Variants in YTHDF3 observed in about 807,000 individuals in gnomAD.
YTHDF3 encodes YTH domain-containing family protein 3.
In YTHDF3, 9 loss-of-function variants were observed where a neutral mutation model predicts 52.5. That is an observed-to-expected ratio of 0.17 (90% CI 0.10 to 0.30). The LOEUF (loss-of-function observed/expected upper bound fraction) is 0.30. Among genes scored for constraint, YTHDF3 ranks in the 10% least tolerant of loss-of-function variants. The pLI, the probability that YTHDF3 is intolerant of heterozygous loss-of-function variation, is 1.00. For missense variants in YTHDF3, 534 were observed against 715.0 expected, an observed-to-expected ratio of 0.75 and a Z score of 2.89; for synonymous variants, 274 against 243.3, an observed-to-expected ratio of 1.13 and a Z score of -1.18.
At chr8:63,183,145 G>A (rs978493450) in intron 3 of YTHDF3, among the ~76,000 whole-genome samples, 3 of 152,004 alleles carry the variant, frequency 2.0e-5, no homozygotes, top group Admixed American at 1.3e-4. Context: ...AATTTTGGTA[G>A]AGATGGGGTT....
chr8:63,197,086 C>G (rs1202580225), intron 4 of YTHDF3, among the ~76,000 whole-genome samples: 1 of 152,096 alleles, frequency 6.6e-6, no homozygotes, highest in Non-Finnish European at 1.5e-5. Context: ...TTGGGAACCA[C>G]TGACCTTGGA....
At chr8:63,187,899 T>C (rs779977499) in intron 4 of YTHDF3, among the ~76,000 whole-genome samples, 154 bp downstream of exon 4, 1 of 152,166 alleles carries the variant, frequency 6.6e-6, no homozygotes, top group Non-Finnish European at 1.5e-5. Context: ...GTGTGTCCTA[T>C]ATGAACCATT....
chr8:63,179,832 C>T (rs1164328976), intron 3 of YTHDF3, among the ~76,000 whole-genome samples: 9 of 151,798 alleles, frequency 5.9e-5, no homozygotes, highest in African/African-American at 2.2e-4. Flanking sequence ...GACGGGGCGG[C>T]TGGCCGGGTG....
At chr8:63,201,826 T>G (rs1809661633) in intron 4 of YTHDF3, among the ~76,000 whole-genome samples, 1 of 152,230 alleles carries the variant, frequency 6.6e-6, no homozygotes, top group African/African-American at 2.4e-5. Context: ...TAATAATTAT[T>G]TTTATTTTCT....
chr8:63,194,024 A>C (rs968179253), intron 4 of YTHDF3, among the ~76,000 whole-genome samples: 2 of 151,696 alleles, frequency 1.3e-5, no homozygotes, highest in Non-Finnish European at 2.9e-5. Context: ...AGCAATCAAT[A>C]GTTTTTTTTT....
In YTHDF3 at chr8:63,168,666, G is replaced by A; in HGVS notation, c.-212G>A. 1 of 854,904 alleles carries A rather than the reference G, an allele frequency of 1.2e-6. No homozygotes were observed. The highest frequency in any genetic ancestry group is 1.8e-6 in the Non-Finnish European group (1 of 553,874). 53.0% of individuals were successfully genotyped at this position (854,904 alleles called of 1,614,324 possible). A position where few individuals can be genotyped will look rare whatever the true frequency, so the allele number is the denominator to read the frequency against. The stretch of plus-strand genomic sequence containing the variant: ...CCATTGTGGACCCGAGAAGCAGAGA[G>A]CGAGAGGGGGAAGAGGAGCGTGCAA... On this transcript the variant is annotated 5_prime_UTR_variant, in exon 1 of 5. Transcript: ENST00000539294.
intron 4 of YTHDF3, among the ~76,000 whole-genome samples, chr8:63,191,939 G>A (rs1326110726): frequency 1.3e-5 from 2 of 151,676 alleles, no homozygotes; most frequent in South Asian, 2.1e-4. Flanking sequence ...CCTTTTGGGG[G>A]TAATGTAAAT....
intron 4 of YTHDF3, among the ~76,000 whole-genome samples, chr8:63,197,293 G>A (rs1809299693): frequency 6.6e-6 from 1 of 152,182 alleles, no homozygotes; most frequent in Non-Finnish European, 1.5e-5. Flanking sequence ...TGCAAAGTAT[G>A]AATGTGTAGA....
intron 3 of YTHDF3, among the ~76,000 whole-genome samples, chr8:63,185,677 A>G (rs1808449990): frequency 6.6e-6 from 1 of 152,232 alleles, no homozygotes; most frequent in African/African-American, 2.4e-5. Context: ...ACTGGATTCC[A>G]TCATATAGAT....
intron 4 of YTHDF3, among the ~76,000 whole-genome samples, chr8:63,203,824 T>C (rs1288494958): frequency 8.5e-5 from 13 of 152,230 alleles, no homozygotes. Context: ...TCAATTTCGG[T>C]TTGGCTGATA....
intron 4 of YTHDF3, among the ~76,000 whole-genome samples, chr8:63,197,365 G>C (rs1809305084): frequency 6.6e-6 from 1 of 152,046 alleles, no homozygotes; most frequent in African/African-American, 2.4e-5. Flanking sequence ...ATAAAATGCT[G>C]TCTATTGGTT....
At chr8:63,180,782 G>A (rs191293535) in intron 3 of YTHDF3, among the ~76,000 whole-genome samples, 2 of 152,348 alleles carry the variant, frequency 1.3e-5, no homozygotes, top group African/African-American at 4.8e-5. Context: ...GACCAGCCCG[G>A]CCAACACAGC....
At chr8:63,195,956 C>G (rs1161177577) in intron 4 of YTHDF3, among the ~76,000 whole-genome samples, 1 of 152,076 alleles carries the variant, frequency 6.6e-6, no homozygotes, top group East Asian at 1.9e-4. Flanking sequence ...CATGCGCCAC[C>G]ATGCCCATCT....
Position 63,209,667 on chromosome 8 carries a change from GTTTT to G in YTHDF3, c.1735-7_1735-4del. On this transcript the variant is annotated splice_polypyrimidine_tract_variant and intron_variant, in intron 4 of 4. Transcript: ENST00000539294. ...ATTGTAATTCTTTTTGTGTGTGTGT[GTTTT>G]TTTTTTTTCAGGAGAGAAATAGAAA... 8.0e-7 allele frequency: 1 copy of G among 1,249,848 alleles called. No homozygotes were observed. Among genetic ancestry groups the G allele is most frequent in the Non-Finnish European group, 1.1e-6 (1 of 922,308 alleles). 77.4% of individuals were successfully genotyped at this position (1,249,848 alleles called of 1,614,324 possible). A position where few individuals can be genotyped will look rare whatever the true frequency, so the allele number is the denominator to read the frequency against.
intron 4 of YTHDF3, among the ~76,000 whole-genome samples, 181 bp downstream of exon 4, chr8:63,187,926 A>G (rs1808635512): frequency 6.6e-6 from 1 of 152,154 alleles, no homozygotes; most frequent in Admixed American, 6.5e-5. Flanking sequence ...TTCCTTTCCC[A>G]GGGTAACTCA....
intron 2 of YTHDF3, among the ~76,000 whole-genome samples, chr8:63,174,011 A>G (rs555813319): frequency 6.6e-6 from 1 of 152,208 alleles, no homozygotes; most frequent in South Asian, 2.1e-4. Flanking sequence ...GATTTAAGGG[A>G]TTTTGTATAT....
chr8:63,175,143 CTT>C (rs1016842648), intron 2 of YTHDF3, among the ~76,000 whole-genome samples, 186 bp from the exon 3 acceptor site: 41 of 152,060 alleles, frequency 2.7e-4, no homozygotes, highest in African/African-American at 9.2e-4. Flanking sequence ...TATCAAAAGA[CTT>C]TTAAGTTTTT....
intron 4 of YTHDF3, among the ~76,000 whole-genome samples, chr8:63,190,268 G>T (rs1585766159): frequency 6.6e-6 from 1 of 151,168 alleles, no homozygotes; most frequent in South Asian, 2.1e-4. Flanking sequence ...CTTTTCTTTC[G>T]CCCACCACTG....
rs569831529 is a variant in YTHDF3 at position 63,185,293 on chromosome 8, TAAA to T, written c.136-852_136-850del. ...AATTTGAGCTTTTTTTTTCCTTTAATAAAATTTGGTGTCTTGATTTTTGGCAGT... is the reference window on the plus strand; with the variant it reads ...AATTTGAGCTTTTTTTTTCCTTTAATATTTGGTGTCTTGATTTTTGGCAGT... On this transcript the variant is annotated intron_variant, in intron 3 of 4. Transcript: ENST00000539294. Among the ~76,000 whole-genome samples the T allele has an allele frequency of 1.8e-3, 277 of 152,156 alleles. 1 individual carries two copies. Among genetic ancestry groups the T allele is most frequent in the African/African-American group, 6.2e-3 (258 of 41,514 alleles).
Sources: gnomAD v4.1 joint callset for allele counts (sites outside exome capture counted in the v4.1 genomes callset) on GRCh38, gnomAD v4.1.1 for gene constraint, MANE v1.5 for transcripts, NCBI Gene and HGNC (gene_info 2026-07-23, HGNC 2026-07-21) for gene names.